Variants in DAB1 observed in about 807,000 individuals in gnomAD.
DAB1 encodes DAB adaptor protein 1.
A neutral mutation model predicts 64.6 loss-of-function variants in DAB1; 15 were observed. The ratio of observed to expected loss-of-function variants is 0.23; its 90% CI spans 0.16 to 0.36. The LOEUF is 0.36. Ranked by LOEUF, DAB1 falls within the 10% of genes least tolerant of loss-of-function variation. The probability of loss-of-function intolerance (pLI) is 1.00; values close to 1 mark genes in which losing one functional copy is unlikely to be tolerated. For synonymous variants in DAB1, 235 were observed against 251.9 expected, an observed-to-expected ratio of 0.93 and a Z score of 0.64; for missense variants, 596 against 706.7, an observed-to-expected ratio of 0.84 and a Z score of 1.78.
chr1:58,072,471 T>C (rs868640473), intron 5 of DAB1, among the ~76,000 whole-genome samples: 9 of 152,202 alleles, frequency 5.9e-5, no homozygotes, highest in Admixed American at 2.0e-4. Context: ...GTGGATTGCT[T>C]AATTTTTCCA....
At chr1:58,248,390 G>C (rs1660649852) in intron 4 of DAB1, among the ~76,000 whole-genome samples, 1 of 152,214 alleles carries the variant, frequency 6.6e-6, no homozygotes, top group Non-Finnish European at 1.5e-5. Flanking sequence ...GGGGATTTCA[G>C]AGATCTCTTG....
In DAB1 at chr1:57,379,696, C is replaced by T. The variant is rs1355312477; in HGVS notation, c.-137+44234G>A. Among the ~76,000 whole-genome samples, 5 of 152,152 alleles carry T rather than the reference C, an allele frequency of 3.3e-5. No homozygotes were observed. In the East Asian group the frequency reaches 9.6e-4, roughly 29 times the overall value. ...TTCACCAGCTGTAACAACTTTCTCCCAAATCAGGCAAACAAGGGCAGATTC... is the reference window on the plus strand; with the variant it reads ...TTCACCAGCTGTAACAACTTTCTCCTAAATCAGGCAAACAAGGGCAGATTC... On this transcript the variant is annotated intron_variant, in intron 1 of 14. Transcript: ENST00000371236.
chr1:57,362,307 A>T (rs1679617169), intron 1 of DAB1, among the ~76,000 whole-genome samples: 1 of 151,426 alleles, frequency 6.6e-6, no homozygotes. Flanking sequence ...AACACACAAC[A>T]TGTGCTCAAA....
chr1:58,005,725 T>C (rs757948401), intron 5 of DAB1, among the ~76,000 whole-genome samples: 1 of 151,930 alleles, frequency 6.6e-6, no homozygotes, highest in Non-Finnish European at 1.5e-5. Context: ...TTAACTGCAC[T>C]CCAGTCAAAT....
At chr1:57,861,185 C>T (rs1270599863) in intron 1 of DAB1, among the ~76,000 whole-genome samples, 2 of 152,190 alleles carry the variant, frequency 1.3e-5, no homozygotes, top group Non-Finnish European at 2.9e-5. Context: ...CCACAGAGCA[C>T]CTGGGCTGTA....
intron 5 of DAB1, among the ~76,000 whole-genome samples, chr1:57,916,231 C>T (rs1332740278): frequency 6.6e-6 from 1 of 152,200 alleles, no homozygotes; most frequent in African/African-American, 2.4e-5. Context: ...CAGGCACTGA[C>T]AGCTCCTGTG....
At chr1:57,286,788 T>A (rs758837279) in intron 2 of DAB1, among the ~76,000 whole-genome samples, 6 of 152,132 alleles carry the variant, frequency 3.9e-5, no homozygotes, top group Non-Finnish European at 8.8e-5. Flanking sequence ...TATACACCAA[T>A]CTTGCTGATA....
intron 1 of DAB1, among the ~76,000 whole-genome samples, chr1:57,840,950 T>C (rs1653021901): frequency 6.6e-6 from 1 of 152,182 alleles, no homozygotes. Flanking sequence ...TCTTAACTCA[T>C]TCCAGCATTA....
chr1:58,404,279 G>A (rs980142229), intron 3 of DAB1, among the ~76,000 whole-genome samples: 1 of 152,194 alleles, frequency 6.6e-6, no homozygotes, highest in Admixed American at 6.5e-5. Context: ...ATGTACTTGA[G>A]ATTGCCTGAC....
At chr1:58,428,887 C>T (rs928344409) in intron 3 of DAB1, among the ~76,000 whole-genome samples, 5 of 152,134 alleles carry the variant, frequency 3.3e-5, no homozygotes, top group African/African-American at 1.2e-4. Flanking sequence ...AATTCAAGAA[C>T]AGGCAAAACT....
At chr1:57,245,458 T>G (rs550648877) in intron 2 of DAB1, among the ~76,000 whole-genome samples, 1 of 151,972 alleles carries the variant, frequency 6.6e-6, no homozygotes. Flanking sequence ...AAGGCCCCAG[T>G]ATATGATGTT....
In DAB1 at chr1:58,051,200, C is replaced by A. The variant is rs6683563; in HGVS notation, n.387+99311G>T. On this transcript the variant is annotated intron_variant and non_coding_transcript_variant, in intron 5 of 20. Coordinates refer to the DAB1 transcript ENST00000485760. ...TCTCCTAATGCTATTCCTCCCCCAG[C>A]CCCCCAGCCCCCGATGGGCCCCAGT... Among the ~76,000 whole-genome samples, 34 of 151,614 alleles carry A rather than the reference C, an allele frequency of 2.2e-4. 1 individual carries two copies. The highest frequency in any genetic ancestry group is 4.1e-4 in the Non-Finnish European group (28 of 67,948).
At chr1:57,383,773 C>T (rs1241021145) in intron 1 of DAB1, among the ~76,000 whole-genome samples, 2 of 152,038 alleles carry the variant, frequency 1.3e-5, no homozygotes, top group African/African-American at 4.8e-5. Context: ...GGCTCAAAGA[C>T]CTAACCATGA....
rs1433651385 is a variant in DAB1, at chr1:57,842,277, A to G, written n.88-15822T>C. Among the ~76,000 whole-genome samples, 4 of 152,204 alleles carry G rather than the reference A, an allele frequency of 2.6e-5. No homozygotes were observed. In the South Asian group the frequency reaches 8.3e-4, roughly 32 times the overall value. ...AAACCACCTCAGCCTGGACTTCATT[A>G]TCCATACCACTATCAGCATTTTGGT... On this transcript the variant is annotated intron_variant and non_coding_transcript_variant, in intron 1 of 1. Coordinates refer to the DAB1 transcript ENST00000477280.
At chr1:58,317,547 C>T (rs1662585181) in intron 4 of DAB1, among the ~76,000 whole-genome samples, 1 of 152,222 alleles carries the variant, frequency 6.6e-6, no homozygotes, top group African/African-American at 2.4e-5. Context: ...TGTGGGCAAC[C>T]TCTAAGAACA....
intron 6 of DAB1, among the ~76,000 whole-genome samples, chr1:57,666,849 G>T (rs546311725): frequency 1.3e-5 from 2 of 151,120 alleles, no homozygotes; most frequent in East Asian, 3.9e-4. Context: ...TTAATTAAAA[G>T]GAGGGAGAGG....
At chr1:58,368,485 T>A (rs1644235757) in intron 3 of DAB1, among the ~76,000 whole-genome samples, 1 of 152,218 alleles carries the variant, frequency 6.6e-6, no homozygotes, top group Non-Finnish European at 1.5e-5. Context: ...ATTATCAGTA[T>A]GGCCTTAGTG....
chr1:58,161,134 A>G (rs1655513363), intron 4 of DAB1, among the ~76,000 whole-genome samples: 1 of 152,236 alleles, frequency 6.6e-6, no homozygotes, highest in Non-Finnish European at 1.5e-5. Flanking sequence ...ACAACACACA[A>G]GGAGTCTCAA....
intron 14 of DAB1, among the ~76,000 whole-genome samples, chr1:57,002,611 T>C (rs990819267): frequency 3.3e-5 from 5 of 152,258 alleles, no homozygotes; most frequent in African/African-American, 9.6e-5. Context: ...GTTCATGTTT[T>C]GCCTGTGTTC....
Sources: allele counts gnomAD v4.1 joint callset (sites outside exome capture counted in the v4.1 genomes callset), GRCh38; gene constraint gnomAD v4.1.1; transcripts MANE v1.5; gene names NCBI Gene and HGNC (gene_info 2026-07-23, HGNC 2026-07-21).